CTNNA3: variants seen among roughly 807,000 people sequenced by gnomAD.
The protein encoded by CTNNA3 is catenin alpha 3.
Under a neutral mutation model 95.7 loss-of-function variants are expected in CTNNA3, and 76 were observed. The observed-to-expected ratio is 0.79, with a 90% CI of 0.66 to 0.96. CTNNA3 has a LOEUF of 0.96. Among genes scored for constraint, CTNNA3 ranks in the 40% least tolerant of loss-of-function variants. CTNNA3 has a pLI of 0.00. For synonymous variants in CTNNA3, 431 were observed against 374.4 expected, an observed-to-expected ratio of 1.15 and a Z score of -1.74; for missense variants, 1,191 against 1,089.8, an observed-to-expected ratio of 1.09 and a Z score of -1.31.
At chr10:66,978,552 A>AATATATATATATATATATATATAT (rs1554890349) in intron 7 of CTNNA3, among the ~76,000 whole-genome samples, 12 of 37,872 alleles carry the variant, frequency 3.2e-4, no homozygotes, top group East Asian at 3.5e-3. Context: ...AAAAAAAAAA[A>AATATATATATATATATATATATAT]ATATATATAT....
At chr10:67,339,465 C>T (rs1268236977) in intron 5 of CTNNA3, among the ~76,000 whole-genome samples, 1 of 152,058 alleles carries the variant, frequency 6.6e-6, no homozygotes, top group African/African-American at 2.4e-5. Flanking sequence ...TATAGGCAAA[C>T]TCAAAAGCCT....
intron 7 of CTNNA3, among the ~76,000 whole-genome samples, chr10:66,865,826 A>G (rs1844152517): frequency 6.6e-6 from 1 of 152,144 alleles, no homozygotes; most frequent in Non-Finnish European, 1.5e-5. Context: ...GTATATTATT[A>G]AAATACACCA....
intron 5 of CTNNA3, among the ~76,000 whole-genome samples, chr10:67,268,247 A>G (rs1021130796): frequency 5.9e-5 from 9 of 151,748 alleles, no homozygotes; most frequent in Admixed American, 3.3e-4. Context: ...AGGAGGATTG[A>G]TTGACGCCAG....
intron 7 of CTNNA3, among the ~76,000 whole-genome samples, chr10:66,983,596 A>T (rs1850568053): frequency 6.6e-6 from 1 of 152,008 alleles, no homozygotes; most frequent in South Asian, 2.1e-4. Context: ...TTTGTACAAC[A>T]TCAAACATAA....
chr10:66,731,259 G>T (rs551351833), intron 9 of CTNNA3, among the ~76,000 whole-genome samples: 5 of 152,248 alleles, frequency 3.3e-5, no homozygotes, highest in African/African-American at 1.2e-4. Flanking sequence ...AATTAAAAAG[G>T]TCATTACCCT....
chr10:66,776,406 C>G (rs185464132), intron 7 of CTNNA3, among the ~76,000 whole-genome samples: 3 of 152,222 alleles, frequency 2.0e-5, no homozygotes, highest in Admixed American at 6.5e-5. Flanking sequence ...AAGGGGGTTA[C>G]AGCACGAACT....
chr10:66,676,020 T>C lies in CTNNA3; in HGVS notation c.1282-54236A>G, dbSNP rs574031888. ...CATAAAACCAGTCATGTCTAAATCA[T>C]TGGAAGAAAGCTTTTGTACAACGGA... On this transcript the variant is annotated intron_variant, in intron 9 of 17. Transcript: ENST00000433211. Among the ~76,000 whole-genome samples, 11 of 152,164 alleles carry C rather than the reference T, an allele frequency of 7.2e-5. No homozygotes were observed. The South Asian group carries it at 2.3e-3, about 32-fold the overall frequency.
chr10:67,657,430 G>A (rs1473822648), intron 1 of CTNNA3, among the ~76,000 whole-genome samples: 1 of 152,132 alleles, frequency 6.6e-6, no homozygotes, highest in Non-Finnish European at 1.5e-5. Flanking sequence ...ACTAGAAAGA[G>A]GTAGGTTGAA....
At chr10:67,635,210 C>T (rs1456448547) in intron 2 of CTNNA3, among the ~76,000 whole-genome samples, 1 of 152,022 alleles carries the variant, frequency 6.6e-6, no homozygotes, top group East Asian at 1.9e-4. Context: ...AGGCCCATGA[C>T]CAGAAGGATT....
At chr10:67,322,586 G>A (rs1055434382) in intron 5 of CTNNA3, among the ~76,000 whole-genome samples, 1 of 152,122 alleles carries the variant, frequency 6.6e-6, no homozygotes, top group Non-Finnish European at 1.5e-5. Context: ...GTATTCCATA[G>A]TGTATATGTA....
At chr10:67,439,701 G>A (rs73266274) in intron 5 of CTNNA3, among the ~76,000 whole-genome samples, 4,100 of 152,158 alleles carry the variant, frequency 0.027, 165 homozygotes, top group African/African-American at 0.094. Flanking sequence ...GTAGCTCCTG[G>A]GCAACATTTC....
At chr10:66,941,013 A>C (rs1847967779) in intron 7 of CTNNA3, among the ~76,000 whole-genome samples, 1 of 152,210 alleles carries the variant, frequency 6.6e-6, no homozygotes, top group Non-Finnish European at 1.5e-5. Flanking sequence ...CTCCACCTGT[A>C]ATTTAATAAA....
At chr10:66,897,137 T>C (rs1845526880) in intron 7 of CTNNA3, among the ~76,000 whole-genome samples, 1 of 152,096 alleles carries the variant, frequency 6.6e-6, no homozygotes, top group Non-Finnish European at 1.5e-5. Context: ...CTGCTTTGTG[T>C]GAAAAAAATG....
At chr10:67,002,897 CATT>C (rs1851765087) in intron 7 of CTNNA3, among the ~76,000 whole-genome samples, 1 of 152,078 alleles carries the variant, frequency 6.6e-6, no homozygotes, top group East Asian at 1.9e-4. Flanking sequence ...AACTTAGTAT[CATT>C]ATTATTCTAA....
chr10:67,278,695 G>C (rs778043673), intron 5 of CTNNA3, among the ~76,000 whole-genome samples: 4 of 152,154 alleles, frequency 2.6e-5, no homozygotes, highest in Non-Finnish European at 5.9e-5. Flanking sequence ...TAGAAAGAAA[G>C]GAAGGAAAAC....
At chr10:67,201,951 G>A (rs974104595) in intron 6 of CTNNA3, among the ~76,000 whole-genome samples, 1 of 152,182 alleles carries the variant, frequency 6.6e-6, no homozygotes, top group African/African-American at 2.4e-5. Context: ...CCCATGAAGA[G>A]AGCCCTGGAT....
intron 14 of CTNNA3, among the ~76,000 whole-genome samples, chr10:66,089,759 A>AATATAT (rs35629436): frequency 2.8e-4 from 42 of 148,920 alleles, no homozygotes; most frequent in Admixed American, 9.5e-4. Context: ...ATCTCAGAGA[A>AATATAT]ATATATATAT....
At chr10:66,917,601 G>GCCA (rs1846561311) in intron 7 of CTNNA3, among the ~76,000 whole-genome samples, 2 of 152,082 alleles carry the variant, frequency 1.3e-5, no homozygotes, top group African/African-American at 4.8e-5. Context: ...ACCAACCTAT[G>GCCA]GCATAGCTGT....
At chr10:67,441,497 C>A (rs1312305894) in intron 5 of CTNNA3, among the ~76,000 whole-genome samples, 1 of 151,938 alleles carries the variant, frequency 6.6e-6, no homozygotes, top group African/African-American at 2.4e-5. Context: ...CCAAAGACTA[C>A]CTTAAAGCAT....
Sources: gnomAD v4.1 joint callset for allele counts (sites outside exome capture counted in the v4.1 genomes callset) on GRCh38, gnomAD v4.1.1 for gene constraint, MANE v1.5 for transcripts, NCBI Gene and HGNC (gene_info 2026-07-23, HGNC 2026-07-21) for gene names.